The following SLC9A8 variants were observed in gnomAD, a reference collection of about 807,000 sequenced individuals.
SLC9A8 encodes solute carrier family 9 member A8.
In SLC9A8, 48 loss-of-function variants were observed where a neutral mutation model predicts 66.6. The observed-to-expected ratio is 0.72, with a 90% confidence interval of 0.57 to 0.92. The LOEUF (loss-of-function observed/expected upper bound fraction) is 0.92, where lower values mean the gene tolerates loss of function less well. Ranked by LOEUF, SLC9A8 falls within the 40% of genes least tolerant of loss-of-function variation. The pLI is 0.00. For synonymous variants in SLC9A8, 274 were observed against 282.6 expected, an observed-to-expected ratio of 0.97 and a Z score of 0.31; for missense variants, 599 against 747.3, an observed-to-expected ratio of 0.80 and a Z score of 2.31.
intron 8 of SLC9A8, among the ~76,000 whole-genome samples, chr20:49,861,680 T>C (rs2088743874): frequency 6.6e-6 from 1 of 152,086 alleles, no homozygotes; most frequent in African/African-American, 2.4e-5. Context: ...AAGAAGGGAA[T>C]GGATTTGAGA....
chr20:49,883,322 G>A (rs775147435), intron 13 of SLC9A8, among the ~76,000 whole-genome samples: 1 of 152,136 alleles, frequency 6.6e-6, no homozygotes, highest in Non-Finnish European at 1.5e-5. Flanking sequence ...AGATAGGAGG[G>A]GTACTGGACA....
intron 13 of SLC9A8, 140 bp from the exon 14 acceptor site, chr20:49,883,705 AG>A (rs2089715747): frequency 3.1e-6 from 2 of 654,724 alleles, no homozygotes; most frequent in Non-Finnish European, 5.2e-6. Context: ...AAAGCCTCAC[AG>A]GGTGAGCACA....
chr20:49,837,092 T>G (rs1001346500), intron 3 of SLC9A8, among the ~76,000 whole-genome samples: 3 of 152,168 alleles, frequency 2.0e-5, no homozygotes, highest in Non-Finnish European at 4.4e-5. Flanking sequence ...TAAATGCATA[T>G]CTGATTGCTT....
chr20:49,855,620 C>T, intron 8 of SLC9A8, 39 bp downstream of exon 8: 3 of 1,597,228 alleles, frequency 1.9e-6, no homozygotes, highest in East Asian at 2.2e-5. Flanking sequence ...TTTCATGTGA[C>T]AGAACTAAAG....
At chr20:49,831,052 T>A in intron 3 of SLC9A8, 1 of 715,298 alleles carries the variant, frequency 1.4e-6, no homozygotes, top group Non-Finnish European at 2.6e-6. Flanking sequence ...AGTCCAACAA[T>A]ATGTCCGCTG....
rs2086398563 is a variant in SLC9A8, at chr20:49,812,867, A to T, written c.-56A>T. 6 of 1,490,638 alleles carry T rather than the reference A, an allele frequency of 4.0e-6. No individual in the cohort carries two copies. Among genetic ancestry groups the T allele is most frequent in the Non-Finnish European group, 4.5e-6 (5 of 1,122,190 alleles). 92.3% of individuals were successfully genotyped at this position (1,490,638 alleles called of 1,614,324 possible). On this transcript the variant is annotated 5_prime_UTR_variant, in exon 1 of 16. It adds an upstream start codon to the 5' untranslated region. Transcript: ENST00000361573. ...GCCTCCAGCGGAAGCCGGAAGCAAA[A>T]GCGGGTCCTGCTAGCCCCGCGGCTC... is the stretch of plus-strand genomic sequence containing the variant.
intron 4 of SLC9A8, among the ~76,000 whole-genome samples, chr20:49,843,993 C>T (rs879442504): frequency 1.3e-5 from 2 of 151,868 alleles, no homozygotes; most frequent in African/African-American, 4.8e-5. Flanking sequence ...TCTCTGCACA[C>T]TCTGGCTCCC....
At chr20:49,885,631 AG>A (rs2089860866) in intron 14 of SLC9A8, among the ~76,000 whole-genome samples, 1 of 152,264 alleles carries the variant, frequency 6.6e-6, no homozygotes, top group African/African-American at 2.4e-5. Context: ...TAGCAGAAAC[AG>A]GACAGCTCCT....
intron 8 of SLC9A8, among the ~76,000 whole-genome samples, chr20:49,862,557 G>A (rs564111044): frequency 2.6e-5 from 4 of 152,252 alleles, no homozygotes; most frequent in East Asian, 1.9e-4. Context: ...CACCACGCCC[G>A]GCATCAGCCC....
chr20:49,875,211 T>G lies in SLC9A8; in HGVS notation c.1075+390T>G, dbSNP rs543904596. Among the ~76,000 whole-genome samples the G allele has an allele frequency of 2.0e-5, 3 of 150,120 alleles. No individual in the cohort carries two copies. In the Middle Eastern group the frequency reaches 0.01, roughly 511 times the overall value. On this transcript the variant is annotated intron_variant, in intron 11 of 15. Coordinates refer to ENST00000361573, the MANE Select transcript of SLC9A8 (RefSeq NM_015266.3). ...TGGGGCTCACACCTGTAATCCCAGC[T>G]GCTTGGGAGACTGAGAGGATCACTT...
intron 3 of SLC9A8, among the ~76,000 whole-genome samples, chr20:49,834,160 T>TCTCTCC (rs2087332566): frequency 1.9e-5 from 1 of 52,802 alleles, no homozygotes; most frequent in African/African-American, 7.9e-5. Context: ...TCTCTCTCTC[T>TCTCTCC]CTCTCTCTCT....
intron 11 of SLC9A8, among the ~76,000 whole-genome samples, chr20:49,876,461 C>G (rs1442156150): frequency 1.3e-5 from 2 of 152,176 alleles, no homozygotes; most frequent in African/African-American, 4.8e-5. Flanking sequence ...GGCACGTGCT[C>G]TTTGGCCCAA....
chr20:49,887,822 G>C lies in SLC9A8; in HGVS notation c.1639-7G>C, dbSNP rs781033326. ...CCCTGACGGCTTGGTTGTGTCTCTCGACCCAGGACCTGCACCACGGGCGCA... is the reference window on the plus strand; with the variant it reads ...CCCTGACGGCTTGGTTGTGTCTCTCCACCCAGGACCTGCACCACGGGCGCA... On this transcript the variant is annotated splice_region_variant and splice_polypyrimidine_tract_variant and intron_variant, in intron 15 of 15. Coordinates refer to ENST00000361573, the MANE Select transcript of SLC9A8 (RefSeq NM_015266.3). 56 of 1,585,880 alleles carry C rather than the reference G, an allele frequency of 3.5e-5. No individual in the cohort carries two copies. The Middle Eastern group carries it at 1.7e-3, about 48-fold the overall frequency.
intron 10 of SLC9A8, among the ~76,000 whole-genome samples, chr20:49,872,457 CTTT>C (rs3067539): frequency 1.8e-4 from 27 of 146,932 alleles, no homozygotes; most frequent in South Asian, 2.2e-4. Flanking sequence ...GATTTTCACC[CTTT>C]TTTTTTTTTT....
chr20:49,820,672 A>G (rs2086703867), intron 2 of SLC9A8, among the ~76,000 whole-genome samples: 4 of 151,744 alleles, frequency 2.6e-5, no homozygotes, highest in Non-Finnish European at 5.9e-5. Context: ...TCAGCCTCCC[A>G]TATAGCTGGG....
chr20:49,827,477 G>A (rs985324745), intron 3 of SLC9A8, among the ~76,000 whole-genome samples: 4 of 151,372 alleles, frequency 2.6e-5, no homozygotes, highest in East Asian at 2.0e-4. Flanking sequence ...GGTGGTGCAC[G>A]CCTATAGTCC....
chr20:49,840,392 A>C (rs918330412), intron 4 of SLC9A8, among the ~76,000 whole-genome samples: 3 of 152,206 alleles, frequency 2.0e-5, no homozygotes, highest in Non-Finnish European at 4.4e-5. Context: ...AATAAGATTC[A>C]TTTCAAAATA....
intron 10 of SLC9A8, among the ~76,000 whole-genome samples, chr20:49,865,367 T>G (rs998566672): frequency 6.6e-6 from 1 of 152,166 alleles, no homozygotes; most frequent in African/African-American, 2.4e-5. Context: ...AGTGTGGTGG[T>G]GGCGTAATGT....
chr20:49,860,546 G>A (rs554625287), intron 8 of SLC9A8, among the ~76,000 whole-genome samples: 37 of 151,964 alleles, frequency 2.4e-4, no homozygotes, highest in African/African-American at 8.4e-4. Context: ...GTGAAACCCC[G>A]TCTCTACTAA....
Sources: allele counts gnomAD v4.1 joint callset (sites outside exome capture counted in the v4.1 genomes callset), GRCh38; gene constraint gnomAD v4.1.1; transcripts MANE v1.5; gene names NCBI Gene and HGNC (gene_info 2026-07-23, HGNC 2026-07-21).